Variants in ZNF33A observed in about 807,000 individuals in gnomAD.
The protein encoded by ZNF33A is brain my041 protein.
In ZNF33A, 9 loss-of-function variants were observed where a neutral mutation model predicts 15.9. The observed-to-expected ratio is 0.57, with a 90% CI of 0.34 to 0.99. The LOEUF is 0.99. Among genes scored for constraint, ZNF33A ranks in the 50% least tolerant of loss-of-function variants. The pLI, the probability that ZNF33A is intolerant of heterozygous loss-of-function variation, is 0.02. For synonymous variants in ZNF33A, 294 were observed against 324.2 expected (o/e 0.91, Z 1.00); for missense variants, 843 against 941.6 (o/e 0.90, Z 1.37).
At chr10:38,038,273 T>C (rs1329238345) in intron 4 of ZNF33A, among the ~76,000 whole-genome samples, 1 of 152,128 alleles carries the variant, frequency 6.6e-6, no homozygotes, top group Non-Finnish European at 1.5e-5. Flanking sequence ...ATAACTTTTT[T>C]GTATTTTTAG....
At chr10:38,042,531 T>TAA (rs2065755079) in intron 4 of ZNF33A, among the ~76,000 whole-genome samples, 2 of 151,288 alleles carry the variant, frequency 1.3e-5, no homozygotes, top group Non-Finnish European at 2.9e-5. Context: ...TTGTTATTTG[T>TAA]TTCCTTGTTT....
intron 4 of ZNF33A, among the ~76,000 whole-genome samples, chr10:38,047,917 A>G (rs2066027997): frequency 6.6e-6 from 1 of 152,190 alleles, no homozygotes. Context: ...GAAATCCTCA[A>G]AGCAGTCAGA....
chr10:38,021,982 A>G (rs991728467), intron 4 of ZNF33A, among the ~76,000 whole-genome samples: 54 of 152,344 alleles, frequency 3.5e-4, no homozygotes, highest in African/African-American at 1.3e-3. Flanking sequence ...TGTGGGAGGT[A>G]GCTAAAGCAG....
chr10:38,061,554 C>A (rs2066653876), downstream of ZNF33A, among the ~76,000 whole-genome samples: 1 of 152,136 alleles, frequency 6.6e-6, no homozygotes, highest in African/African-American at 2.4e-5. Flanking sequence ...TGGCCTACAC[C>A]TGGGCCACAG....
At chr10:38,037,035 GT>G (rs1441756748) in intron 4 of ZNF33A, among the ~76,000 whole-genome samples, 1 of 152,146 alleles carries the variant, frequency 6.6e-6, no homozygotes, top group Admixed American at 6.5e-5. Flanking sequence ...TTTGTGGGTT[GT>G]CATTTTATTG....
At chr10:38,021,187 C>A (rs1331711176) in intron 4 of ZNF33A, among the ~76,000 whole-genome samples, 1 of 152,060 alleles carries the variant, frequency 6.6e-6, no homozygotes, top group Admixed American at 6.6e-5. Context: ...AACAGAGTGA[C>A]ACTATTAATA....
In ZNF33A at chr10:38,012,859, G is replaced by A. The variant is rs531450134; in HGVS notation, c.9+509G>A. Among the ~76,000 whole-genome samples, 147 of 152,226 alleles carry A rather than the reference G, an allele frequency of 9.7e-4. 1 individual carries two copies. In the South Asian group the frequency reaches 0.028, roughly 29 times the overall value. ...AAGTTGAGCTTCGTATGTTTCTTAC[G>A]TTTCCAACAACCATGGCAGAAAGGA... On this transcript the variant is annotated intron_variant, in intron 2 of 4. Transcript: ENST00000432900.
At chr10:38,054,271 C>T in intron 4 of ZNF33A, 104 bp from the exon 5 acceptor site, 1 of 1,253,694 alleles carries the variant, frequency 8.0e-7, no homozygotes, top group Non-Finnish European at 1.1e-6. Flanking sequence ...TGGAAACTGG[C>T]CAAAAAACCA....
chr10:38,016,573 T>C (rs1342649544), intron 2 of ZNF33A, among the ~76,000 whole-genome samples: 1 of 152,234 alleles, frequency 6.6e-6, no homozygotes, highest in East Asian at 1.9e-4. Context: ...ACTTTCACCT[T>C]AGTACTTGTA....
Position 38,056,192 on chromosome 10 carries a change from G to A in ZNF33A, c.2068G>A (p.Glu690Lys). 1 of 1,614,084 alleles carries A rather than the reference G, an allele frequency of 6.2e-7. No individual in the cohort carries two copies. The highest frequency in any genetic ancestry group is 1.7e-5 in the Admixed American group (1 of 60,014). ...TTTCCATGAGAGAAAGCACACGGGG[G>A]AGAAACCCTATGAATGCAATGAATG... ...LIFHERKHTG[E>K]KPYECNECGK... Residue 690 changes from glutamate (E) to lysine (K), a missense_variant, in exon 5 of 5, where the codon GAG becomes AAG. Transcript: ENST00000432900.
At chr10:38,025,377 TGTG>T (rs1217925630) in intron 4 of ZNF33A, among the ~76,000 whole-genome samples, 8 of 152,246 alleles carry the variant, frequency 5.3e-5, no homozygotes, top group Admixed American at 4.6e-4. Context: ...TCACCCCAAG[TGTG>T]GTGGTGTTTG....
chr10:38,022,907 A>T (rs1171418652), intron 4 of ZNF33A, among the ~76,000 whole-genome samples: 1 of 152,170 alleles, frequency 6.6e-6, no homozygotes, highest in Admixed American at 6.5e-5. Flanking sequence ...ATTAATGATG[A>T]TTTTACACAA....
downstream of ZNF33A, chr10:38,060,137 G>C (rs2505226): frequency 1.1e-6 from 1 of 939,084 alleles, no homozygotes; most frequent in Non-Finnish European, 1.3e-6. Flanking sequence ...ATCATCATTA[G>C]TGAACAATTG....
chr10:38,056,349 C>G lies in ZNF33A; in HGVS notation c.2225C>G (p.Ser742Ter), dbSNP rs776906948. The G allele has an allele frequency of 1.2e-6, 2 of 1,614,094 alleles. No homozygotes were observed. Among genetic ancestry groups the G allele is most frequent in the African/African-American group, 2.7e-5 (2 of 75,038 alleles). ...RKSELAQHQR[S>*]HTGEKPYECN... The stretch of plus-strand genomic sequence containing the variant: ...TCGGAACTTGCTCAACATCAGAGAT[C>G]ACATACAGGGGAAAAGCCCTATGAA... Residue 742 changes from serine (S) to a stop codon, truncating the protein, a stop_gained, in exon 5 of 5, where the codon TCA becomes TGA. Transcript: ENST00000432900. LOFTEE classifies it low-confidence loss of function (END_TRUNC).
rs2472161 is a variant in ZNF33A, at chr10:38,057,228, C to T, written c.*668C>T. 71,261 of 973,292 alleles carry T rather than the reference C, an allele frequency of 0.073. 3,124 individuals carry two copies. Among genetic ancestry groups the T allele is most frequent in the Non-Finnish European group, 0.08 (65,490 of 818,702 alleles). The allele number at this position is 973,292 out of a possible 1,614,324, so 60.3% of individuals were successfully genotyped here. A position where few individuals can be genotyped will look rare whatever the true frequency, so the allele number is the denominator to read the frequency against. On this transcript the variant is annotated 3_prime_UTR_variant, in exon 5 of 5. Coordinates refer to ENST00000432900, the MANE Select transcript of ZNF33A (RefSeq NM_006954.2). ...ACAGAACTGAAAAGGAATCTGAGAT[C>T]TGTACTGTATCAGGATTACAAAGGA...
chr10:38,038,029 T>C (rs961601656), intron 4 of ZNF33A, among the ~76,000 whole-genome samples: 2 of 152,228 alleles, frequency 1.3e-5, no homozygotes, highest in African/African-American at 2.4e-5. Context: ...CTTTAATTTC[T>C]TCTATCATTG....
chr10:38,020,084 A>G (rs1267434675), intron 4 of ZNF33A, among the ~76,000 whole-genome samples: 1 of 152,214 alleles, frequency 6.6e-6, no homozygotes, highest in African/African-American at 2.4e-5. Flanking sequence ...ATAAACCAAG[A>G]TGGAATCTAA....
At chr10:38,014,928 C>T (rs1030445310) in intron 2 of ZNF33A, among the ~76,000 whole-genome samples, 7 of 151,248 alleles carry the variant, frequency 4.6e-5, no homozygotes, top group African/African-American at 1.7e-4. Context: ...GGCTGGAGTG[C>T]AGTGGTACGA....
chr10:38,028,450 G>A (rs368813646), intron 4 of ZNF33A, among the ~76,000 whole-genome samples: 30 of 150,612 alleles, frequency 2.0e-4, no homozygotes, highest in African/African-American at 7.1e-4. Context: ...TTTTATTACT[G>A]TCTTCTTTGT....
Sources: gnomAD v4.1 joint callset for allele counts (sites outside exome capture counted in the v4.1 genomes callset) on GRCh38, gnomAD v4.1.1 for gene constraint, MANE v1.5 for transcripts, NCBI Gene and HGNC (gene_info 2026-07-23, HGNC 2026-07-21) for gene names.